The following GALNT18 variants were observed in gnomAD, a reference collection of about 807,000 sequenced individuals.
GALNT18 encodes polypeptide N-acetylgalactosaminyltransferase 18, also known as GalNAc-transferase 18.
Under a neutral mutation model 69.5 loss-of-function variants are expected in GALNT18, and 44 were observed. That is an observed-to-expected ratio of 0.63 (90% CI 0.50 to 0.81). The LOEUF (loss-of-function observed/expected upper bound fraction) is 0.81, where lower values mean the gene tolerates loss of function less well. GALNT18 is among the 40% of genes least tolerant of loss of function. The pLI is 0.00. For synonymous variants in GALNT18, 364 were observed against 318.2 expected (o/e 1.14, Z -1.53); for missense variants, 715 against 810.0 (o/e 0.88, Z 1.42).
intron 1 of GALNT18, among the ~76,000 whole-genome samples, chr11:11,556,044 C>T (rs1006557057): frequency 6.6e-6 from 1 of 152,140 alleles, no homozygotes; most frequent in Admixed American, 6.5e-5. Context: ...GCAAAACAAT[C>T]GCATGGAACT....
At chr11:11,579,968 C>A (rs970257099) in intron 1 of GALNT18, among the ~76,000 whole-genome samples, 3 of 152,192 alleles carry the variant, frequency 2.0e-5, no homozygotes, top group African/African-American at 4.8e-5. Flanking sequence ...GTGCCCCAAC[C>A]CCTCAGTGTG....
At position 11,620,822 on chromosome 11, in the gene GALNT18, A is replaced by T. The variant is rs1860174031; in HGVS notation, c.235+537T>A. 6.6e-6 allele frequency among the ~76,000 whole-genome samples: 1 copy of T among 152,160 alleles called. No individual in the cohort carries two copies. Among genetic ancestry groups the T allele is most frequent in the Non-Finnish European group, 1.5e-5 (1 of 68,018 alleles). On this transcript the variant is annotated intron_variant, in intron 1 of 10. Coordinates refer to ENST00000227756, the MANE Select transcript of GALNT18 (RefSeq NM_198516.3). The surrounding 1 kb of genome is among the most constrained non-coding windows in gnomAD (Gnocchi z 6.9). ...CCCTATCGCCTACCAACGGGATCAC[A>T]GCAAGACTGGGGCTGGGGCTGATAC...
chr11:11,275,827 A>C (rs1225145471), intron 10 of GALNT18, among the ~76,000 whole-genome samples: 1 of 152,152 alleles, frequency 6.6e-6, no homozygotes, highest in Non-Finnish European at 1.5e-5. Flanking sequence ...AGGTTTGTCA[A>C]AGATCAGATT....
rs1312589601 is a variant in GALNT18 at position 11,309,160 on chromosome 11, C to A, written c.1513-15967G>T. 6.6e-6 allele frequency among the ~76,000 whole-genome samples: 1 copy of A among 152,134 alleles called. No individual in the cohort carries two copies. Among genetic ancestry groups the A allele is most frequent in the African/African-American group, 2.4e-5 (1 of 41,414 alleles). ...TTCCTTGTAAAAGGACAAGTTTAGT[C>A]CCCTCTCTAGCCCTTCTTTCTACAC... On this transcript the variant is annotated intron_variant, in intron 9 of 10. Transcript: ENST00000227756. The surrounding 1 kb of genome is among the most constrained non-coding windows in gnomAD (Gnocchi z 4.6).
chr11:11,293,112 C>T lies in GALNT18; in HGVS notation c.1594G>A (p.Val532Met). Residue 532 changes from valine (V) to methionine (M), a missense_variant, in exon 10 of 11, where the codon GTG (valine) becomes ATG (methionine). By Grantham distance (21) the Val-to-Met change is conservative (BLOSUM62 1). Coordinates refer to ENST00000227756, the MANE Select transcript of GALNT18 (RefSeq NM_198516.3). ...AGCCGGGGCCGGCTGTTGACGTCCA[C>T]CAGGCATCGGTTGTCATCATCATCC... ...TVDDDDNRCLVDVNSRPRLIE... is the reference protein window; with the variant it reads ...TVDDDDNRCLMDVNSRPRLIE... 1 of 1,377,702 alleles carries T rather than the reference C, an allele frequency of 7.3e-7. No individual in the cohort carries two copies. The highest frequency in any genetic ancestry group is 9.5e-7 in the Non-Finnish European group (1 of 1,056,344). The allele number at this position is 1,377,702 out of a possible 1,614,324, so 85.3% of individuals were successfully genotyped here. A position where few individuals can be genotyped will look rare whatever the true frequency, so the allele number is the denominator to read the frequency against.
intron 3 of GALNT18, among the ~76,000 whole-genome samples, chr11:11,401,642 T>G (rs1252360720): frequency 6.6e-6 from 1 of 152,228 alleles, no homozygotes; most frequent in Non-Finnish European, 1.5e-5. Flanking sequence ...ACATTTCACT[T>G]TCGCATATTT....
chr11:11,324,542 C>T (rs977463946), intron 9 of GALNT18, among the ~76,000 whole-genome samples: 2 of 152,166 alleles, frequency 1.3e-5, no homozygotes, highest in Non-Finnish European at 2.9e-5. Flanking sequence ...AAAGTGTTCC[C>T]TTTTCACCAC....
rs536397970 is a variant in GALNT18 at position 11,435,430 on chromosome 11, C to A, written c.429-2643G>T. ...GCTGTATTTGTATAATAAGCTAAGCCCTGCTGATCACGATTTTCACAAGAA... is the reference window on the plus strand; with the variant it reads ...GCTGTATTTGTATAATAAGCTAAGCACTGCTGATCACGATTTTCACAAGAA... On this transcript the variant is annotated intron_variant, in intron 2 of 10. Transcript: ENST00000227756. This position sits in a 1 kb window ranked among gnomAD's most constrained non-coding sequence, Gnocchi z 4.4. Among the ~76,000 whole-genome samples the A allele has an allele frequency of 1.1e-4, 17 of 152,246 alleles. No individual in the cohort carries two copies. The highest frequency in any genetic ancestry group is 3.9e-4 in the East Asian group (2 of 5,184).
In GALNT18 at chr11:11,454,691, G is replaced by A. The variant is rs972374993; in HGVS notation, c.236-5755C>T. Reference sequence around the variant, plus strand: ...CAGGAAGTGTCCAGCTCAAACCACAGAACCACAGAGAGCCAGAGAGTCAGG... The same window carrying A: ...CAGGAAGTGTCCAGCTCAAACCACAAAACCACAGAGAGCCAGAGAGTCAGG... On this transcript the variant is annotated intron_variant, in intron 1 of 10. Coordinates refer to ENST00000227756, the MANE Select transcript of GALNT18 (RefSeq NM_198516.3). The surrounding 1 kb of genome is among the most constrained non-coding windows in gnomAD (Gnocchi z 4.2). 2.6e-5 allele frequency among the ~76,000 whole-genome samples: 4 copies of A among 152,038 alleles called. No homozygotes were observed. Among genetic ancestry groups the A allele is most frequent in the African/African-American group, 9.7e-5 (4 of 41,392 alleles).
At chr11:11,535,211 C>T (rs1452890096) in intron 1 of GALNT18, among the ~76,000 whole-genome samples, 1 of 152,136 alleles carries the variant, frequency 6.6e-6, no homozygotes, top group African/African-American at 2.4e-5. Context: ...AGACCCTGGC[C>T]CCCGGCCAGT....
At chr11:11,522,514 C>T (rs865822290) in intron 1 of GALNT18, among the ~76,000 whole-genome samples, 2 of 152,114 alleles carry the variant, frequency 1.3e-5, no homozygotes, top group Admixed American at 6.5e-5. Flanking sequence ...CACAGAAACA[C>T]GCAGCCCTGC....
intron 10 of GALNT18, among the ~76,000 whole-genome samples, chr11:11,286,801 A>G (rs1165985946): frequency 6.6e-6 from 1 of 152,156 alleles, no homozygotes; most frequent in African/African-American, 2.4e-5. Flanking sequence ...ATGATGCCAT[A>G]AAGTGTGATT....
At chr11:11,519,130 T>C (rs979662320) in intron 1 of GALNT18, among the ~76,000 whole-genome samples, 2 of 152,174 alleles carry the variant, frequency 1.3e-5, no homozygotes, top group African/African-American at 4.8e-5. Flanking sequence ...GAGGCTGCAA[T>C]CTAGCCCACA....
rs543926423 is a variant in GALNT18 at position 11,541,558 on chromosome 11, T to C, written c.235+79801A>G. On this transcript the variant is annotated intron_variant, in intron 1 of 10. Coordinates refer to ENST00000227756, the MANE Select transcript of GALNT18 (RefSeq NM_198516.3). The surrounding 1 kb of genome is among the most constrained non-coding windows in gnomAD (Gnocchi z 4.8). ...CAAGGCTTGCAGGATCCAGTCTTAA[T>C]CCATTAGTCTGACATATAAAGCCTT... Among the ~76,000 whole-genome samples, 1 of 152,268 alleles carries C rather than the reference T, an allele frequency of 6.6e-6. No homozygotes were observed. Among genetic ancestry groups the C allele is most frequent in the South Asian group, 2.1e-4 (1 of 4,816 alleles).
chr11:11,482,016 A>T (rs933177858), intron 1 of GALNT18, among the ~76,000 whole-genome samples: 3 of 152,148 alleles, frequency 2.0e-5, no homozygotes, highest in Non-Finnish European at 4.4e-5. Flanking sequence ...CCCTCTAGCC[A>T]CACTGAATTA....
rs971458952 is a variant in GALNT18, at chr11:11,541,627, T to G, written c.235+79732A>C. On this transcript the variant is annotated intron_variant, in intron 1 of 10. Transcript: ENST00000227756. The surrounding 1 kb of genome is among the most constrained non-coding windows in gnomAD (Gnocchi z 4.8). Reference sequence around the variant, plus strand: ...CCCCACCCACAAATGCATCTCTGCCTTCAGATCTGATATCCAAGGCTCCCT... The same window carrying G: ...CCCCACCCACAAATGCATCTCTGCCGTCAGATCTGATATCCAAGGCTCCCT... Among the ~76,000 whole-genome samples the G allele has an allele frequency of 3.3e-5, 5 of 152,258 alleles. No homozygotes were observed. The highest frequency in any genetic ancestry group is 3.4e-3 in the Middle Eastern group (1 of 294).
At chr11:11,349,553 G>A (rs1850361812) in intron 6 of GALNT18, among the ~76,000 whole-genome samples, 1 of 152,198 alleles carries the variant, frequency 6.6e-6, no homozygotes, top group African/African-American at 2.4e-5. Context: ...TAGTGAGAGA[G>A]AGGTTTTTTG....
chr11:11,576,996 T>C (rs1035976624), intron 1 of GALNT18, among the ~76,000 whole-genome samples: 3 of 152,118 alleles, frequency 2.0e-5, no homozygotes, highest in African/African-American at 7.2e-5. Flanking sequence ...AGCAGTTGTT[T>C]AACTCTTTTT....
Position 11,415,639 on chromosome 11 carries a change from G to T in GALNT18, c.595+16982C>A, listed in dbSNP as rs1420836959. Among the ~76,000 whole-genome samples, 1 of 152,224 alleles carries T rather than the reference G, an allele frequency of 6.6e-6. No homozygotes were observed. Among genetic ancestry groups the T allele is most frequent in the African/African-American group, 2.4e-5 (1 of 41,530 alleles). ...GAACTTTGGTGACTCAGCTCCTATG[G>T]TTCTCAATCCCTTCATCTAAAGTGG... On this transcript the variant is annotated intron_variant, in intron 3 of 10. Transcript: ENST00000227756. The surrounding 1 kb of genome is among the most constrained non-coding windows in gnomAD (Gnocchi z 4.1).
Sources: gnomAD v4.1 joint callset for allele counts (sites outside exome capture counted in the v4.1 genomes callset) on GRCh38, gnomAD v4.1.1 for gene constraint, Gnocchi (gnomAD v3.1) non-coding constraint, MANE v1.5 for transcripts, NCBI Gene and HGNC (gene_info 2026-07-23, HGNC 2026-07-21) for gene names.